Variants in SLC24A2 observed in about 807,000 individuals in gnomAD.
SLC24A2 encodes the protein solute carrier family 24 member 2.
A neutral mutation model predicts 62.0 loss-of-function variants in SLC24A2; 36 were observed. The ratio of observed to expected loss-of-function variants is 0.58; its 90% CI spans 0.44 to 0.77. The LOEUF (loss-of-function observed/expected upper bound fraction) is 0.77, where lower values mean the gene tolerates loss of function less well. SLC24A2 is among the 30% of genes least tolerant of loss of function. The pLI, the probability that SLC24A2 is intolerant of heterozygous loss-of-function variation, is 0.00. For missense variants in SLC24A2, 846 were observed against 817.9 expected (o/e 1.03, Z -0.42); for synonymous variants, 358 against 294.0 (o/e 1.22, Z -2.23).
intron 2 of SLC24A2, among the ~76,000 whole-genome samples, chr9:19,766,504 A>T (rs946432526): frequency 2.6e-5 from 4 of 151,908 alleles, no homozygotes; most frequent in African/African-American, 9.7e-5. Flanking sequence ...CTTTTTATTG[A>T]TGTTGATGCT....
At chr9:20,187,338 A>G in the SLC24A2 span, among the ~76,000 whole-genome samples, 1 of 152,128 alleles carries the variant, frequency 6.6e-6, no homozygotes, top group African/African-American at 2.4e-5. Context: ...CTTGGTGGAC[A>G]TTTTTCAGAA....
At chr9:20,039,758 A>G in the SLC24A2 span, among the ~76,000 whole-genome samples, 1 of 152,166 alleles carries the variant, frequency 6.6e-6, no homozygotes, top group Non-Finnish European at 1.5e-5. Flanking sequence ...AGTCACAGAA[A>G]CAAGGATAAA....
At chr9:20,258,410 G>T in the SLC24A2 span, among the ~76,000 whole-genome samples, 1 of 152,184 alleles carries the variant, frequency 6.6e-6, no homozygotes, top group Admixed American at 6.5e-5. Context: ...ACTGGCATGT[G>T]GGTCAGTGGA....
At chr9:20,203,843 G>A in the SLC24A2 span, among the ~76,000 whole-genome samples, 6 of 152,142 alleles carry the variant, frequency 3.9e-5, no homozygotes, top group Admixed American at 6.5e-5. Context: ...TTCGCCTATG[G>A]TATATGCATA....
At chr9:19,674,327 A>C (rs1219529642) in intron 2 of SLC24A2, among the ~76,000 whole-genome samples, 3 of 152,174 alleles carry the variant, frequency 2.0e-5, no homozygotes, top group Admixed American at 2.0e-4. Context: ...ACTTTAGATA[A>C]CTTGATGACA....
the SLC24A2 span, among the ~76,000 whole-genome samples, chr9:19,832,532 A>C: frequency 3.3e-5 from 5 of 152,218 alleles, no homozygotes; most frequent in Non-Finnish European, 2.9e-5. Context: ...AAAACTGGCT[A>C]GCCATATGTA....
At chr9:19,761,170 T>C (rs929059753) in intron 2 of SLC24A2, among the ~76,000 whole-genome samples, 1 of 152,240 alleles carries the variant, frequency 6.6e-6, no homozygotes. Context: ...TTAGGGTATG[T>C]ACCCAGTAAT....
intron 5 of SLC24A2, among the ~76,000 whole-genome samples, chr9:19,583,191 G>A (rs944123694): frequency 5.3e-5 from 8 of 152,088 alleles, no homozygotes; most frequent in African/African-American, 1.9e-4. Flanking sequence ...CTCCAGCCAC[G>A]CTGGTCTCTT....
At chr9:19,789,784 C>T (rs538079876), upstream of SLC24A2, among the ~76,000 whole-genome samples, 22 of 152,138 alleles carry the variant, frequency 1.4e-4, no homozygotes, top group Non-Finnish European at 2.5e-4. Flanking sequence ...ACCCCTTTTA[C>T]CCAACCCTGT....
At chr9:19,815,275 C>A in the SLC24A2 span, among the ~76,000 whole-genome samples, 4 of 152,118 alleles carry the variant, frequency 2.6e-5, no homozygotes, top group Non-Finnish European at 5.9e-5. Flanking sequence ...AAATTCTGAA[C>A]AAGGCACTTA....
At chr9:20,172,780 T>C in the SLC24A2 span, among the ~76,000 whole-genome samples, 1 of 152,004 alleles carries the variant, frequency 6.6e-6, no homozygotes, top group South Asian at 2.1e-4. Context: ...CGAAGAAGAA[T>C]TGGTACCAAT....
At chr9:19,607,873 T>C (rs1208431260) in intron 4 of SLC24A2, among the ~76,000 whole-genome samples, 2 of 152,212 alleles carry the variant, frequency 1.3e-5, no homozygotes, top group African/African-American at 2.4e-5. Flanking sequence ...CATTCCCTTA[T>C]GGCTCAAATA....
rs796926800 is a variant in SLC24A2, at chr9:19,768,942, T to C, written c.930+16995A>G. Among the ~76,000 whole-genome samples, 39 of 152,298 alleles carry C rather than the reference T, an allele frequency of 2.6e-4. 1 individual carries two copies. Among genetic ancestry groups the C allele is most frequent in the African/African-American group, 9.4e-4 (39 of 41,578 alleles). On this transcript the variant is annotated intron_variant, in intron 2 of 10. Coordinates refer to ENST00000341998, the MANE Select transcript of SLC24A2 (RefSeq NM_020344.4). ...CTTAGGCCTTTGAGTTCTTCCCTGC[T>C]ACATTCATTCCTGGGTGATTTTATT...
At chr9:19,594,375 A>G (rs1836645050) in intron 5 of SLC24A2, among the ~76,000 whole-genome samples, 1 of 152,220 alleles carries the variant, frequency 6.6e-6, no homozygotes, top group African/African-American at 2.4e-5. Flanking sequence ...TATGTAGCAC[A>G]ATTCTCTATA....
chr9:20,045,520 C>T, the SLC24A2 span, among the ~76,000 whole-genome samples: 2 of 152,110 alleles, frequency 1.3e-5, no homozygotes, highest in African/African-American at 4.8e-5. Flanking sequence ...CAATCTCTGC[C>T]TCCCAGGTTC....
chr9:20,247,536 A>T, the SLC24A2 span, among the ~76,000 whole-genome samples: 3 of 152,190 alleles, frequency 2.0e-5, no homozygotes, highest in African/African-American at 7.2e-5. Context: ...CCAACATGTA[A>T]GATTAAAGTG....
At chr9:20,193,868 T>C in the SLC24A2 span, among the ~76,000 whole-genome samples, 1 of 152,036 alleles carries the variant, frequency 6.6e-6, no homozygotes, top group Non-Finnish European at 1.5e-5. Context: ...ATCCTATCGG[T>C]TGAAAGAATA....
At chr9:20,040,548 C>T in the SLC24A2 span, among the ~76,000 whole-genome samples, 13 of 152,138 alleles carry the variant, frequency 8.5e-5, no homozygotes, top group African/African-American at 2.4e-4. Context: ...ACCAAATGAC[C>T]GAGGCAAAAA....
the SLC24A2 span, among the ~76,000 whole-genome samples, chr9:20,056,967 G>A: frequency 1.3e-5 from 2 of 152,096 alleles, no homozygotes; most frequent in Non-Finnish European, 2.9e-5. Flanking sequence ...ACTCTTCTTG[G>A]GTAATACTGG....
Sources: allele counts gnomAD v4.1 joint callset (sites outside exome capture counted in the v4.1 genomes callset), GRCh38; gene constraint gnomAD v4.1.1; transcripts MANE v1.5; gene names NCBI Gene and HGNC (gene_info 2026-07-23, HGNC 2026-07-21).